Variants in KLRG2 observed in about 807,000 individuals in gnomAD.
KLRG2 encodes the protein killer cell lectin-like receptor subfamily G member 2.
KLRG2 carries 39 observed loss-of-function variants against 35.4 expected under a neutral mutation model. The ratio of observed to expected loss-of-function variants is 1.10; its 90% CI spans 0.85 to 1.44. The LOEUF (loss-of-function observed/expected upper bound fraction) is 1.44, where lower values mean the gene tolerates loss of function less well. Ranked by LOEUF, KLRG2 falls within the 40% of genes most tolerant of loss-of-function variation. KLRG2 has a pLI of 0.00. For missense variants in KLRG2, 632 were observed against 570.9 expected, an observed-to-expected ratio of 1.11 and a Z score of -1.09; for synonymous variants, 283 against 265.8, an observed-to-expected ratio of 1.06 and a Z score of -0.63.
Position 139,483,574 on chromosome 7 carries a change from T to C in KLRG2, c.69A>G (p.Gly23=), listed in dbSNP as rs1186700864. The change falls in exon 1 of 5, where the codon GGA becomes GGG. Residue 23 remains glycine, a synonymous_variant. Transcript: ENST00000340940. ...GCTGCTCCAGCGTGGGGACCAGGCT[T>C]CCCACGGGCTCCATTGGGAGCTCTG... ...AGAELPMEPV[G]SLVPTLEQPQ... is the part of the protein sequence containing the mutation. The C allele has an allele frequency of 6.3e-7, 1 of 1,597,078 alleles. No homozygotes were observed. Among genetic ancestry groups the C allele is most frequent in the South Asian group, 1.1e-5 (1 of 90,324 alleles).
At position 139,483,292 on chromosome 7, in the gene KLRG2, G is replaced by A. The variant is rs745878110; in HGVS notation, c.351C>T (p.Ser117=). Residue 117 remains serine (S), a synonymous_variant, in exon 1 of 5, where the codon AGC becomes AGT. Coordinates refer to ENST00000340940, the MANE Select transcript of KLRG2 (RefSeq NM_198508.4). ...GEAPGAEPAP[S]AWAPMELQVD... Reference sequence around the variant, plus strand: ...CCTGCAGCTCCATGGGCGCCCAGGCGCTGGGCGCAGGCTCAGCCCCGGGCG... The same window carrying A: ...CCTGCAGCTCCATGGGCGCCCAGGCACTGGGCGCAGGCTCAGCCCCGGGCG... The A allele has an allele frequency of 3.0e-5, 47 of 1,557,108 alleles. No homozygotes were observed. The highest frequency in any genetic ancestry group is 3.6e-5 in the Non-Finnish European group (42 of 1,163,190).
chr7:139,438,343 C>A, the KLRG2 span, among the ~76,000 whole-genome samples: 1 of 152,188 alleles, frequency 6.6e-6, no homozygotes, highest in Non-Finnish European at 1.5e-5. Context: ...GTGATCCTCC[C>A]ACCTGAGTAA....
At chr7:139,430,938 G>T in the KLRG2 span, among the ~76,000 whole-genome samples, 3 of 151,944 alleles carry the variant, frequency 2.0e-5, no homozygotes, top group African/African-American at 7.2e-5. Flanking sequence ...GAACCGGGGA[G>T]GGGGAGGTTG....
the KLRG2 span, among the ~76,000 whole-genome samples, chr7:139,432,547 C>A: frequency 5.1e-4 from 75 of 145,816 alleles, 6 homozygotes. Context: ...TTGCAGGACC[C>A]CCCCCCCCCA....
At chr7:139,454,541 C>A (rs866219327) in intron 3 of KLRG2, among the ~76,000 whole-genome samples, 1 of 152,098 alleles carries the variant, frequency 6.6e-6, no homozygotes, top group African/African-American at 2.4e-5. Flanking sequence ...GGTGGTCAGG[C>A]ACGGTGGCTC....
intron 3 of KLRG2, among the ~76,000 whole-genome samples, chr7:139,454,863 A>G (rs1796440874): frequency 1.5e-5 from 2 of 136,990 alleles, no homozygotes; most frequent in African/African-American, 2.9e-5. Flanking sequence ...AATAATAATA[A>G]TAACACACGC....
chr7:139,453,993 G>A, intron 4 of KLRG2, 118 bp downstream of exon 4: 1 of 745,432 alleles, frequency 1.3e-6, no homozygotes, highest in Non-Finnish European at 2.3e-6. Context: ...CGCGAGCATG[G>A]GCGTGGGCTG....
the KLRG2 span, among the ~76,000 whole-genome samples, chr7:139,437,248 G>A: frequency 7.9e-5 from 12 of 151,882 alleles, no homozygotes; most frequent in African/African-American, 2.9e-4. Context: ...CCAACATGGC[G>A]AAACCCATCT....
the KLRG2 span, among the ~76,000 whole-genome samples, chr7:139,427,430 T>C: frequency 0.38 from 58,347 of 152,012 alleles, 15,626 homozygotes; most frequent in African/African-American, 0.76. Flanking sequence ...AGCAGGGATC[T>C]AAGAGATGGG....
chr7:139,480,956 C>T (rs555996027), intron 1 of KLRG2, among the ~76,000 whole-genome samples: 1 of 151,710 alleles, frequency 6.6e-6, no homozygotes, highest in South Asian at 2.1e-4. Flanking sequence ...GTTGGTCAGG[C>T]TGGTCTTGAA....
intron 3 of KLRG2, among the ~76,000 whole-genome samples, chr7:139,457,705 C>T (rs1796500683): frequency 6.6e-6 from 1 of 152,184 alleles, no homozygotes; most frequent in Non-Finnish European, 1.5e-5. Flanking sequence ...CCCTTCCCCT[C>T]TGGGCCTCCT....
the KLRG2 span, among the ~76,000 whole-genome samples, chr7:139,446,774 G>T: frequency 2.6e-5 from 4 of 151,550 alleles, no homozygotes; most frequent in South Asian, 2.1e-4. Context: ...CTCCTCCTCC[G>T]ACATCGGCTT....
chr7:139,471,659 T>TC (rs1796759031), intron 3 of KLRG2, among the ~76,000 whole-genome samples: 1 of 150,356 alleles, frequency 6.7e-6, no homozygotes, highest in Non-Finnish European at 1.5e-5. Flanking sequence ...AGACTCGGTC[T>TC]CAAAAAAAAA....
At chr7:139,474,968 C>T (rs1332215350) in intron 3 of KLRG2, among the ~76,000 whole-genome samples, 1 of 152,108 alleles carries the variant, frequency 6.6e-6, no homozygotes, top group Non-Finnish European at 1.5e-5. Context: ...GGTCATAAGA[C>T]CCTATTCTAG....
intron 2 of KLRG2, 149 bp downstream of exon 2, chr7:139,479,996 AT>A: frequency 1.4e-6 from 1 of 715,980 alleles, no homozygotes. Context: ...GAAGGCACCC[AT>A]TTTCCTTAAC....
intron 3 of KLRG2, among the ~76,000 whole-genome samples, chr7:139,455,512 G>A (rs894322748): frequency 1.3e-5 from 2 of 151,906 alleles, no homozygotes; most frequent in African/African-American, 4.8e-5. Context: ...TAGTAGAGAT[G>A]GGGTTTCACC....
chr7:139,452,439 T>TA (rs1277264904), downstream of KLRG2, among the ~76,000 whole-genome samples: 2 of 152,160 alleles, frequency 1.3e-5, no homozygotes, highest in African/African-American at 4.8e-5. Flanking sequence ...CCCCAGAACT[T>TA]AAAGTATAAT....
chr7:139,480,100 A>G, intron 2 of KLRG2, 46 bp downstream of exon 2: 1 of 1,252,636 alleles, frequency 8.0e-7, no homozygotes, highest in Non-Finnish European at 1.2e-6. Context: ...CAGCCCCAGT[A>G]GTGGAGCGGC....
intron 4 of KLRG2, 62 bp downstream of exon 4, chr7:139,454,049 G>C (rs1329448777): frequency 9.6e-6 from 10 of 1,037,326 alleles, no homozygotes; most frequent in Non-Finnish European, 1.5e-5. Flanking sequence ...AGGAGGTGGA[G>C]TCTGGGGAGA....
Sources: allele counts gnomAD v4.1 joint callset (sites outside exome capture counted in the v4.1 genomes callset), GRCh38; gene constraint gnomAD v4.1.1; transcripts MANE v1.5; gene names NCBI Gene and HGNC (gene_info 2026-07-23, HGNC 2026-07-21).